TENM2: variants seen among roughly 807,000 people sequenced by gnomAD.
The protein encoded by TENM2 is teneurin-2.
Under a neutral mutation model 245.2 loss-of-function variants are expected in TENM2, and 52 were observed. That is an observed-to-expected ratio of 0.21 (90% CI 0.17 to 0.27). TENM2 has a LOEUF of 0.27. TENM2 is among the 10% of genes least tolerant of loss of function. The probability of loss-of-function intolerance (pLI) is 1.00; values close to 1 mark genes in which losing one functional copy is unlikely to be tolerated. For synonymous variants in TENM2, 1,363 were observed against 1,438.9 expected (o/e 0.95, Z 1.19); for missense variants, 3,046 against 3,666.8 (o/e 0.83, Z 4.37).
chr5:167,215,613 C>T, the TENM2 span, among the ~76,000 whole-genome samples: 2 of 152,040 alleles, frequency 1.3e-5, no homozygotes, highest in Admixed American at 6.6e-5. Context: ...AAAATAGTCT[C>T]GGAACTGAAA....
At position 167,785,558 on chromosome 5, in the gene TENM2, G is replaced by A. The variant is rs575737725; in HGVS notation, c.503-90428G>A. ...CATGGGATGCTTCACTATCATCCATGTCTTGAATGTATGCACAATCCCTTC... is the reference window on the plus strand; with the variant it reads ...CATGGGATGCTTCACTATCATCCATATCTTGAATGTATGCACAATCCCTTC... On this transcript the variant is annotated intron_variant, in intron 2 of 28. Coordinates refer to ENST00000518659, the Ensembl canonical transcript of TENM2. Among the ~76,000 whole-genome samples, 10 of 152,318 alleles carry A rather than the reference G, an allele frequency of 6.6e-5. No individual in the cohort carries two copies. In the South Asian group the frequency reaches 2.1e-3, roughly 32 times the overall value.
chr5:168,155,892 TAAAAAAAAAAAA>T (rs55977607), intron 12 of TENM2, among the ~76,000 whole-genome samples: 6,798 of 97,062 alleles, frequency 0.07, 276 homozygotes, highest in Non-Finnish European at 0.1. Flanking sequence ...CTGGCATCTG[TAAAAAAAAAAAA>T]AAAAAAAAAA....
intron 2 of TENM2, among the ~76,000 whole-genome samples, chr5:167,629,204 G>C (rs1227641390): frequency 2.6e-5 from 4 of 152,096 alleles, no homozygotes; most frequent in Non-Finnish European, 5.9e-5. Flanking sequence ...ACTTCTAGAA[G>C]AAAAAGAGAG....
chr5:167,366,651 G>C (rs1760072906), intron 1 of TENM2, among the ~76,000 whole-genome samples: 1 of 152,122 alleles, frequency 6.6e-6, no homozygotes, highest in South Asian at 2.1e-4. Flanking sequence ...TGACTGTTTT[G>C]TAGGGCTGCT....
At chr5:167,993,527 G>A (rs892424941) in intron 5 of TENM2, among the ~76,000 whole-genome samples, 3 of 152,248 alleles carry the variant, frequency 2.0e-5, no homozygotes, top group Non-Finnish European at 4.4e-5. Context: ...TTTTAACCCA[G>A]GTCTGTGCTT....
chr5:167,489,218 A>G (rs1055552537), intron 2 of TENM2, among the ~76,000 whole-genome samples: 3 of 152,186 alleles, frequency 2.0e-5, no homozygotes, highest in African/African-American at 7.2e-5. Flanking sequence ...AATCCTTGCA[A>G]TGGCACTCTG....
intron 2 of TENM2, among the ~76,000 whole-genome samples, chr5:167,837,048 G>A (rs1307589480): frequency 7.0e-6 from 1 of 142,084 alleles, no homozygotes. Flanking sequence ...TCCATTTATA[G>A]TATATATGTA....
chr5:168,149,864 C>T (rs1185324168), intron 12 of TENM2, among the ~76,000 whole-genome samples: 1 of 152,224 alleles, frequency 6.6e-6, no homozygotes, highest in African/African-American at 2.4e-5. Context: ...ACACCCCAAG[C>T]ACTCTCATGC....
chr5:167,445,330 T>TAGAGAGAGAGAG lies in TENM2; in HGVS notation c.502+69858_502+69859insGAGAGAGAGAGA, dbSNP rs1275688569. On this transcript the variant is annotated intron_variant, in intron 2 of 28. Transcript: ENST00000518659. ...ATATGATTATATATATATATATATA[T>TAGAGAGAGAGAG]ATATATAGAGAGAGAGAGAGAGAGA... Among the ~76,000 whole-genome samples, 279 of 49,066 alleles carry TAGAGAGAGAGAG rather than the reference T, an allele frequency of 5.7e-3. 1 individual carries two copies. The highest frequency in any genetic ancestry group is 8.1e-3 in the Non-Finnish European group (220 of 27,242). 32.2% of individuals were successfully genotyped at this position (49,066 alleles called of 152,430 possible).
chr5:167,538,047 A>C (rs1462421925), intron 2 of TENM2, among the ~76,000 whole-genome samples: 1 of 152,234 alleles, frequency 6.6e-6, no homozygotes, highest in Non-Finnish European at 1.5e-5. Flanking sequence ...ATCAGGAGAC[A>C]GTACTTATAT....
At chr5:167,279,509 C>CGTCCT in the TENM2 span, among the ~76,000 whole-genome samples, 36 of 127,276 alleles carry the variant, frequency 2.8e-4, no homozygotes, top group South Asian at 1.6e-3. Context: ...TCTTTCCTTC[C>CGTCCT]TTCCTTTCCT....
chr5:167,040,374 C>T, the TENM2 span, among the ~76,000 whole-genome samples: 11 of 152,044 alleles, frequency 7.2e-5, no homozygotes, highest in African/African-American at 1.7e-4. Context: ...AGAAGGCTGA[C>T]GATAAAGTCC....
At chr5:167,341,853 A>T (rs1319768585) in intron 1 of TENM2, among the ~76,000 whole-genome samples, 1 of 152,236 alleles carries the variant, frequency 6.6e-6, no homozygotes, top group Non-Finnish European at 1.5e-5. Context: ...GAGAGAAAAA[A>T]TAAGCAAAAT....
At chr5:167,933,319 G>T (rs1778431765) in intron 3 of TENM2, among the ~76,000 whole-genome samples, 1 of 152,142 alleles carries the variant, frequency 6.6e-6, no homozygotes, top group Admixed American at 6.5e-5. Context: ...GAGATGAACA[G>T]CAAAAATGGT....
chr5:167,614,437 C>T (rs952188001), intron 2 of TENM2, among the ~76,000 whole-genome samples: 2 of 152,048 alleles, frequency 1.3e-5, no homozygotes, highest in East Asian at 1.9e-4. Flanking sequence ...TAGTAATATA[C>T]GAAGACAGCC....
At chr5:167,413,739 A>G (rs1227643193) in intron 2 of TENM2, among the ~76,000 whole-genome samples, 1 of 152,186 alleles carries the variant, frequency 6.6e-6, no homozygotes, top group African/African-American at 2.4e-5. Flanking sequence ...TGGTTAATAT[A>G]TAACCATCAA....
chr5:167,142,025 G>A, the TENM2 span, among the ~76,000 whole-genome samples: 2 of 152,014 alleles, frequency 1.3e-5, no homozygotes, highest in Non-Finnish European at 2.9e-5. Context: ...AAACTCGGAG[G>A]GGGGGGATGA....
rs1212223802 is a variant in TENM2 at position 167,501,608 on chromosome 5, AACT to A, written c.502+126136_502+126138del. Among the ~76,000 whole-genome samples the A allele has an allele frequency of 6.6e-5, 10 of 152,098 alleles. 1 individual carries two copies. The highest frequency in any genetic ancestry group is 4.1e-4 in the South Asian group (2 of 4,826). On this transcript the variant is annotated intron_variant, in intron 2 of 28. Coordinates refer to ENST00000518659, the Ensembl canonical transcript of TENM2. ...TTCTTTTATCTCCTTGTTTCTCCCA[AACT>A]CTGCCACTTTTCACATTACCCACTG...
intron 3 of TENM2, among the ~76,000 whole-genome samples, chr5:167,945,673 G>T (rs768036724): frequency 6.6e-6 from 1 of 151,976 alleles, no homozygotes; most frequent in Non-Finnish European, 1.5e-5. Flanking sequence ...GTGTTGATCT[G>T]TGCGTCATTG....
Sources: allele counts gnomAD v4.1 joint callset (sites outside exome capture counted in the v4.1 genomes callset), GRCh38; gene constraint gnomAD v4.1.1; transcripts MANE v1.5; gene names NCBI Gene and HGNC (gene_info 2026-07-23, HGNC 2026-07-21).